Variants in XPO6 observed in about 807,000 individuals in gnomAD.
XPO6 encodes exportin-6.
A neutral mutation model predicts 130.0 loss-of-function variants in XPO6; 3 were observed. That is an observed-to-expected ratio of 0.02 (90% CI 0.01 to 0.06). The LOEUF is 0.06. XPO6 is among the 10% of genes least tolerant of loss of function. The pLI is 1.00. For missense variants in XPO6, 970 were observed against 1,393.0 expected, an observed-to-expected ratio of 0.70 and a Z score of 4.83; for synonymous variants, 524 against 548.9, an observed-to-expected ratio of 0.95 and a Z score of 0.63.
At chr16:28,202,880 A>C (rs2141910781) in intron 1 of XPO6, among the ~76,000 whole-genome samples, 1 of 152,376 alleles carries the variant, frequency 6.6e-6, no homozygotes, top group South Asian at 2.1e-4. Flanking sequence ...AGTGGCTGCC[A>C]AAGGCCACAC....
Position 28,166,533 on chromosome 16 carries a change from T to C in XPO6, c.618A>G (p.Pro206=). 4 of 1,593,216 alleles carry C rather than the reference T, an allele frequency of 2.5e-6. No homozygotes were observed. The highest frequency in any genetic ancestry group is 2.6e-6 in the Non-Finnish European group (3 of 1,168,726). Residue 206 remains proline, a synonymous_variant, in exon 6 of 24, where the codon CCA becomes CCG. Transcript: ENST00000304658. ...DKHSVTAATP[P]PSPTSGESGD... ...CACTTTCTCCTGAGGTCGGGGATGG[T>C]GGTGGAGTGGCAGCAGTAACACTGT... is the stretch of plus-strand genomic sequence containing the variant.
At chr16:28,180,307 G>A (rs759084938) in intron 2 of XPO6, among the ~76,000 whole-genome samples, 45 of 152,332 alleles carry the variant, frequency 3.0e-4, no homozygotes, top group Admixed American at 8.5e-4. Context: ...GGAGGTTGCA[G>A]TGAGCCGAGA....
At position 28,107,697 on chromosome 16, in the gene XPO6, G is replaced by A; in HGVS notation, c.2342-20C>T. 1 of 1,612,872 alleles carries A rather than the reference G, an allele frequency of 6.2e-7. No individual in the cohort carries two copies. The highest frequency in any genetic ancestry group is 8.5e-7 in the Non-Finnish European group (1 of 1,179,672). On this transcript the variant is annotated intron_variant, in intron 17 of 23. Transcript: ENST00000304658. ...GTTTGGCTGCAAATCAAGATGAGTT[G>A]CAGGTTATAAGCTGTCTGGGGAGAA...
chr16:28,130,412 T>C (rs2042642661), intron 12 of XPO6, among the ~76,000 whole-genome samples: 1 of 152,210 alleles, frequency 6.6e-6, no homozygotes, highest in African/African-American at 2.4e-5. Flanking sequence ...GTCATGAGGC[T>C]GACTGACTGG....
At chr16:28,130,657 T>C (rs2042648544) in intron 12 of XPO6, among the ~76,000 whole-genome samples, 1 of 152,134 alleles carries the variant, frequency 6.6e-6, no homozygotes, top group South Asian at 2.1e-4. Context: ...GTGCTGAGGA[T>C]GAGATTTATA....
Position 28,184,774 on chromosome 16 carries a change from C to T in XPO6, c.4-3743G>A, listed in dbSNP as rs972242145. On this transcript the variant is annotated intron_variant, in intron 1 of 23. Transcript: ENST00000304658. The stretch of plus-strand genomic sequence containing the variant: ...TCTACCAGAAAGGCTAAAATTTAAA[C>T]GACTGACAATAATAAGTGTTGATGA... Among the ~76,000 whole-genome samples the T allele has an allele frequency of 4.6e-5, 7 of 152,204 alleles. No homozygotes were observed. The South Asian group carries it at 1.2e-3, about 27-fold the overall frequency.
chr16:28,101,772 G>C lies in XPO6; in HGVS notation c.3045+75C>G, dbSNP rs1265017923. On this transcript the variant is annotated intron_variant, in intron 22 of 23. Coordinates refer to ENST00000304658, the MANE Select transcript of XPO6 (RefSeq NM_015171.4). This position sits in a 1 kb window ranked among gnomAD's most constrained non-coding sequence, Gnocchi z 5.4. ...CATCCACTTTCTGTCACACTCTCCA[G>C]TGAGTAACCTGAGGGTGGGACACAG... 1.9e-6 allele frequency: 3 copies of C among 1,589,458 alleles called. No individual in the cohort carries two copies. Among genetic ancestry groups the C allele is most frequent in the Non-Finnish European group, 2.6e-6 (3 of 1,163,354 alleles).
intron 4 of XPO6, among the ~76,000 whole-genome samples, chr16:28,175,672 G>C (rs2043522802): frequency 3.9e-5 from 2 of 51,616 alleles, no homozygotes; most frequent in Admixed American, 2.3e-4. Context: ...TGAACAAACT[G>C]CACAAGAGGT....
At position 28,135,262 on chromosome 16, in the gene XPO6, T is replaced by C. The variant is rs745487782; in HGVS notation, c.1397A>G (p.Asn466Ser). ...ATCCAACTCCTCCAGCTGGGCTTGG[T>C]TGTATCTGAACTGGATTCGATTCAA... ...EVLNRIQFRY[N>S]QAQLEELDDE... Residue 466 changes from asparagine (N) to serine (S), a missense_variant, in exon 10 of 24, where the codon AAC becomes AGC. By Grantham distance (46) the Asn-to-Ser change is conservative. Transcript: ENST00000304658. 11 of 1,613,836 alleles carry C rather than the reference T, an allele frequency of 6.8e-6. No homozygotes were observed. The highest frequency in any genetic ancestry group is 1.7e-5 in the Admixed American group (1 of 59,982).
chr16:28,166,565 C>T lies in XPO6; in HGVS notation c.586G>A (p.Asp196Asn), dbSNP rs537478385. Residue 196 changes from aspartate (D) to asparagine (N), a missense_variant, in exon 6 of 24, where the codon GAC becomes AAC. By Grantham distance (23) the Asp-to-Asn change is conservative. Transcript: ENST00000304658. ...LLTGILETVW[D>N]KHSVTAATPP... The stretch of plus-strand genomic sequence containing the variant: ...GTGGCAGCAGTAACACTGTGTTTGT[C>T]CCAGACAGTCTCCAAGATACCTACC... 66 of 1,588,242 alleles carry T rather than the reference C, an allele frequency of 4.2e-5. No homozygotes were observed. Among genetic ancestry groups the T allele is most frequent in the Non-Finnish European group, 5.5e-5 (64 of 1,166,088 alleles).
At position 28,098,337 on chromosome 16, in the gene XPO6, G is replaced by A. The variant is rs1037612203; in HGVS notation, c.*201C>T. On this transcript the variant is annotated 3_prime_UTR_variant, in exon 24 of 24. Coordinates refer to ENST00000304658, the MANE Select transcript of XPO6 (RefSeq NM_015171.4). ...CCTGCTCCAACGCCCTGGGAGCACC[G>A]TCCAGTGCTCAGGTGGACCCAGAAG... 58 of 538,994 alleles carry A rather than the reference G, an allele frequency of 1.1e-4. No individual in the cohort carries two copies. The highest frequency in any genetic ancestry group is 1.9e-4 in the Admixed American group (6 of 30,866). 33.4% of individuals were successfully genotyped at this position (538,994 alleles called of 1,614,324 possible).
At chr16:28,192,757 C>G (rs1268162692) in intron 1 of XPO6, among the ~76,000 whole-genome samples, 1 of 152,106 alleles carries the variant, frequency 6.6e-6, no homozygotes, top group Non-Finnish European at 1.5e-5. Flanking sequence ...ACTGCTCCCA[C>G]CTGGTGTGCA....
At chr16:28,179,040 C>A (rs1484961790) in intron 2 of XPO6, 1 of 148,238 alleles carries the variant, frequency 6.7e-6, no homozygotes, top group Non-Finnish European at 1.5e-5. Context: ...GCACTCCAGC[C>A]TGGCGACAGA....
At chr16:28,153,506 C>T (rs1196233408) in intron 7 of XPO6, 1 of 985,458 alleles carries the variant, frequency 1.0e-6, no homozygotes, top group Non-Finnish European at 1.2e-6. Context: ...TTTCTTTTCA[C>T]TTCACAGTGA....
At position 28,169,858 on chromosome 16, in the gene XPO6, T is replaced by C; in HGVS notation, c.457A>G (p.Thr153Ala). 2.5e-6 allele frequency: 4 copies of C among 1,614,170 alleles called. No homozygotes were observed. The highest frequency in any genetic ancestry group is 3.4e-6 in the Non-Finnish European group (4 of 1,180,006). The stretch of plus-strand genomic sequence containing the variant: ...CGGGGACAAGCCAGCTCTTCTGAAG[T>C]TGTCTTCAACATGATCAGCCCAAGG... ...TPLGLIMLKTTSEELACPRED... is the reference protein window; with the variant it reads ...TPLGLIMLKTASEELACPRED... The change falls in exon 5 of 24, where the codon ACT becomes GCT. Residue 153 changes from threonine (T) to alanine (A), a missense_variant. Transcript: ENST00000304658.
At chr16:28,186,834 C>T (rs1479778173) in intron 1 of XPO6, among the ~76,000 whole-genome samples, 1 of 152,118 alleles carries the variant, frequency 6.6e-6, no homozygotes, top group Non-Finnish European at 1.5e-5. Flanking sequence ...CATCACACCG[C>T]TCCAATTATT....
intron 13 of XPO6, among the ~76,000 whole-genome samples, chr16:28,122,365 T>C (rs2087265976): frequency 6.6e-6 from 1 of 152,144 alleles, no homozygotes; most frequent in African/African-American, 2.4e-5. Context: ...CTCATGCCTG[T>C]AATCCCAGCA....
intron 1 of XPO6, among the ~76,000 whole-genome samples, chr16:28,198,595 G>A (rs1230644009): frequency 6.7e-6 from 1 of 150,200 alleles, no homozygotes; most frequent in Non-Finnish European, 1.5e-5. Flanking sequence ...CTCGAGCCCA[G>A]GATTTTAAAA....
rs192326746 is a variant in XPO6, at chr16:28,179,599, T to C, written c.94+1342A>G. Among the ~76,000 whole-genome samples, 13 of 152,276 alleles carry C rather than the reference T, an allele frequency of 8.5e-5. No individual in the cohort carries two copies. In the East Asian group the frequency reaches 1.7e-3, roughly 20 times the overall value. Reference sequence around the variant, plus strand: ...CTACAATGACCACATGGTCTCGAGGTCCCTGCTAACAGCTCTATCAATTTC... The same window carrying C: ...CTACAATGACCACATGGTCTCGAGGCCCCTGCTAACAGCTCTATCAATTTC... On this transcript the variant is annotated intron_variant, in intron 2 of 23. Coordinates refer to ENST00000304658, the MANE Select transcript of XPO6 (RefSeq NM_015171.4).
Sources: allele counts gnomAD v4.1 joint callset (sites outside exome capture counted in the v4.1 genomes callset), GRCh38; gene constraint gnomAD v4.1.1; non-coding constraint Gnocchi (gnomAD v3.1); transcripts MANE v1.5; gene names NCBI Gene and HGNC (gene_info 2026-07-23, HGNC 2026-07-21).